Variants in CSMD2 observed in about 807,000 individuals in gnomAD.
The protein encoded by CSMD2 is CUB and sushi domain-containing protein 2.
A neutral mutation model predicts 398.5 loss-of-function variants in CSMD2; 130 were observed. The observed-to-expected ratio is 0.33, with a 90% CI of 0.28 to 0.38. The LOEUF (loss-of-function observed/expected upper bound fraction) is 0.38, where lower values mean the gene tolerates loss of function less well. Ranked by LOEUF, CSMD2 falls within the 10% of genes least tolerant of loss-of-function variation. CSMD2 has a pLI of 1.00. For missense variants in CSMD2, 3,829 were observed against 4,764.9 expected (o/e 0.80, Z 5.78); for synonymous variants, 1,828 against 1,908.5 (o/e 0.96, Z 1.10).
At chr1:34,072,501 G>A (rs969241575) in intron 2 of CSMD2, among the ~76,000 whole-genome samples, 48 of 152,134 alleles carry the variant, frequency 3.2e-4, no homozygotes, top group Admixed American at 1.7e-3. Context: ...AGGATCTAGA[G>A]GTGGCCAAGT....
Position 33,844,295 on chromosome 1 carries a change from C to T in CSMD2, c.1033+2589G>A, listed in dbSNP as rs141576044. ...TCATGACTGTGTGTGTGTGGGGGGGCGCTGCTAATGGCTGCTGGTCCCTGT... is the reference window on the plus strand; with the variant it reads ...TCATGACTGTGTGTGTGTGGGGGGGTGCTGCTAATGGCTGCTGGTCCCTGT... On this transcript the variant is annotated intron_variant, in intron 6 of 70. Coordinates refer to ENST00000373381, the MANE Select transcript of CSMD2 (RefSeq NM_001281956.2). Among the ~76,000 whole-genome samples, 534 of 145,454 alleles carry T rather than the reference C, an allele frequency of 3.7e-3. 2 individuals carry two copies. Among genetic ancestry groups the T allele is most frequent in the African/African-American group, 0.012 (487 of 39,892 alleles).
intron 15 of CSMD2, among the ~76,000 whole-genome samples, chr1:33,737,145 T>C (rs1485512779): frequency 6.6e-6 from 1 of 152,184 alleles, no homozygotes; most frequent in Non-Finnish European, 1.5e-5. Flanking sequence ...TCTAGTTACT[T>C]AACCTAAGCC....
chr1:33,648,363 A>G (rs973234309), intron 28 of CSMD2, among the ~76,000 whole-genome samples: 1 of 133,168 alleles, frequency 7.5e-6, no homozygotes, highest in African/African-American at 3.6e-5. Flanking sequence ...CTCTGTCTCA[A>G]AAAAAAAAAA....
At chr1:33,908,102 AAAAAAG>A (rs1643223989) in intron 5 of CSMD2, among the ~76,000 whole-genome samples, 1 of 150,986 alleles carries the variant, frequency 6.6e-6, no homozygotes, top group Non-Finnish European at 1.5e-5. Context: ...AAAAAAAAAA[AAAAAAG>A]AAAAGTAAAA....
intron 40 of CSMD2, among the ~76,000 whole-genome samples, chr1:33,612,682 G>GTT (rs36051513): frequency 1.5e-4 from 20 of 132,132 alleles, no homozygotes; most frequent in African/African-American, 3.7e-4. Flanking sequence ...TTTTGTGATG[G>GTT]TTTTTTTTTT....
chr1:33,758,941 C>T (rs1008981856), intron 13 of CSMD2, among the ~76,000 whole-genome samples: 7 of 152,186 alleles, frequency 4.6e-5, no homozygotes, highest in African/African-American at 1.7e-4. Context: ...CCCAGGAGAG[C>T]CCTGCAGAGC....
In CSMD2 at chr1:33,611,802, G is replaced by T. The variant is rs892278507; in HGVS notation, c.6134-552C>A. Among the ~76,000 whole-genome samples the T allele has an allele frequency of 4.6e-5, 7 of 152,256 alleles. No homozygotes were observed. The South Asian group carries it at 1.4e-3, about 32-fold the overall frequency. On this transcript the variant is annotated intron_variant, in intron 40 of 70. Coordinates refer to ENST00000373381, the MANE Select transcript of CSMD2 (RefSeq NM_001281956.2). Reference sequence around the variant, plus strand: ...TCAAGACATTCTAGCAACCTGACAGGTTAAATAAATCTAATTAAGTTCTTA... The same window carrying T: ...TCAAGACATTCTAGCAACCTGACAGTTTAAATAAATCTAATTAAGTTCTTA...
In CSMD2 at chr1:34,163,956, C is replaced by A. The variant is rs1410205754; in HGVS notation, c.187+955G>T. On this transcript the variant is annotated intron_variant, in intron 1 of 70. Transcript: ENST00000373381. This position sits in a 1 kb window ranked among gnomAD's most constrained non-coding sequence, Gnocchi z 5.4. ...CCCTCGAAGGTTCGCGTACCTCCCC[C>A]GCGCGCTGCAAGCTGCAGCCAGACA... 6.6e-6 allele frequency among the ~76,000 whole-genome samples: 1 copy of A among 152,154 alleles called. No homozygotes were observed. Among genetic ancestry groups the A allele is most frequent in the East Asian group, 1.9e-4 (1 of 5,140 alleles).
At chr1:34,065,565 C>G (rs1029581482) in intron 2 of CSMD2, among the ~76,000 whole-genome samples, 2 of 152,300 alleles carry the variant, frequency 1.3e-5, no homozygotes, top group African/African-American at 2.4e-5. Flanking sequence ...TAGTTCATCT[C>G]TGGTGCTTAC....
At chr1:34,159,130 T>C (rs919781932) in intron 1 of CSMD2, among the ~76,000 whole-genome samples, 1 of 152,000 alleles carries the variant, frequency 6.6e-6, no homozygotes, top group South Asian at 2.1e-4. Flanking sequence ...GAGTGTCCAC[T>C]ATGTGCTCTA....
chr1:34,029,964 G>T (rs144101345), intron 3 of CSMD2, among the ~76,000 whole-genome samples: 2 of 152,334 alleles, frequency 1.3e-5, no homozygotes, highest in Non-Finnish European at 2.9e-5. Flanking sequence ...CCAGGCAGGT[G>T]GGAGGAGGGA....
intron 5 of CSMD2, among the ~76,000 whole-genome samples, chr1:33,911,207 G>C (rs1326444235): frequency 9.9e-5 from 15 of 152,074 alleles, no homozygotes. Flanking sequence ...AATGATTACA[G>C]AAAATAAATA....
intron 46 of CSMD2, among the ~76,000 whole-genome samples, chr1:33,584,665 C>CA (rs11421041): frequency 0.64 from 95,257 of 148,138 alleles, 30,812 homozygotes; most frequent in East Asian, 0.76. Flanking sequence ...GACTCCATCT[C>CA]AAAAAAAATA....
At position 33,544,552 on chromosome 1, in the gene CSMD2, T is replaced by C. The variant is rs185217527; in HGVS notation, c.9100+1485A>G. On this transcript the variant is annotated intron_variant, in intron 57 of 70. Transcript: ENST00000373381. ...TCATTGCCACTGATCTGGTCATTGA[T>C]TCTAGACTTTTAGAGTTAGAGCTGT... 2.1e-3 allele frequency among the ~76,000 whole-genome samples: 314 copies of C among 152,212 alleles called. 1 individual carries two copies. Among genetic ancestry groups the C allele is most frequent in the Non-Finnish European group, 2.2e-3 (152 of 68,010 alleles).
intron 42 of CSMD2, among the ~76,000 whole-genome samples, chr1:33,603,620 G>A (rs899087012): frequency 6.6e-6 from 1 of 152,182 alleles, no homozygotes; most frequent in Non-Finnish European, 1.5e-5. Context: ...AGACAGTGGG[G>A]AACAAGGTAC....
intron 62 of CSMD2, 38 bp downstream of exon 62, chr1:33,536,984 A>G: frequency 6.3e-7 from 1 of 1,586,388 alleles, no homozygotes; most frequent in Non-Finnish European, 8.7e-7. Context: ...AAGAAGGGAT[A>G]GGATGTAGGA....
chr1:33,992,856 G>A (rs12040767), intron 3 of CSMD2, among the ~76,000 whole-genome samples: 10,575 of 140,652 alleles, frequency 0.075, 963 homozygotes, highest in East Asian at 0.42. Flanking sequence ...CAGCCTGGGC[G>A]ACAGAGTGAG....
chr1:33,894,439 A>C (rs895233087), intron 5 of CSMD2, among the ~76,000 whole-genome samples: 2 of 152,148 alleles, frequency 1.3e-5, no homozygotes, highest in East Asian at 3.9e-4. Context: ...GGAGTTAATA[A>C]CCCCTCAGGA....
intron 13 of CSMD2, among the ~76,000 whole-genome samples, chr1:33,758,808 A>T (rs75044869): frequency 0.019 from 2,878 of 152,290 alleles, 37 homozygotes; most frequent in South Asian, 0.03. Flanking sequence ...AGCAGAGGCT[A>T]TAAATGTACT....
Sources: gnomAD v4.1 joint callset for allele counts (sites outside exome capture counted in the v4.1 genomes callset) on GRCh38, gnomAD v4.1.1 for gene constraint, Gnocchi (gnomAD v3.1) non-coding constraint, MANE v1.5 for transcripts, NCBI Gene and HGNC (gene_info 2026-07-23, HGNC 2026-07-21) for gene names.